The following ELL2 variants were observed in gnomAD, a reference collection of about 807,000 sequenced individuals.
The protein encoded by ELL2 is elongation factor for RNA polymerase II 2, also known as RNA polymerase II elongation factor ELL2.
Under a neutral mutation model 72.8 loss-of-function variants are expected in ELL2, and 21 were observed. The observed-to-expected ratio is 0.29, with a 90% confidence interval of 0.20 to 0.42. The LOEUF is 0.42. ELL2 is among the 10% of genes least tolerant of loss of function. ELL2 has a pLI of 1.00. For missense variants in ELL2, 568 were observed against 772.8 expected (o/e 0.73, Z 3.14); for synonymous variants, 266 against 283.2 (o/e 0.94, Z 0.61).
chr5:95,913,605 G>A (rs1158199946), intron 4 of ELL2, 166 bp downstream of exon 4: 1 of 629,136 alleles, frequency 1.6e-6, no homozygotes, highest in Non-Finnish European at 2.5e-6. Context: ...CAATTTACTG[G>A]CAGTCTGAAG....
At chr5:95,959,982 T>TG (rs966474728) in intron 1 of ELL2, among the ~76,000 whole-genome samples, 28 of 151,918 alleles carry the variant, frequency 1.8e-4, no homozygotes, top group Admixed American at 3.3e-4. Flanking sequence ...ACTTATGGGG[T>TG]GGGGGGGCTC....
At chr5:95,902,441 C>T (rs1222144825) in intron 5 of ELL2, among the ~76,000 whole-genome samples, 1 of 152,172 alleles carries the variant, frequency 6.6e-6, no homozygotes. Flanking sequence ...AGTTTCGCGG[C>T]TTAGCCATTA....
intron 2 of ELL2, among the ~76,000 whole-genome samples, chr5:95,922,646 ATCTT>A (rs200242570): frequency 0.027 from 4,181 of 152,254 alleles, 182 homozygotes; most frequent in African/African-American, 0.095. Flanking sequence ...TAAAATAATT[ATCTT>A]TCTATGCATT....
chr5:95,910,227 G>A (rs1339467355), intron 4 of ELL2, among the ~76,000 whole-genome samples: 7 of 151,860 alleles, frequency 4.6e-5, no homozygotes, highest in Admixed American at 3.9e-4. Context: ...CAAAAATAAG[G>A]AGGTTTGTTC....
intron 1 of ELL2, among the ~76,000 whole-genome samples, chr5:95,955,078 G>C (rs1278732936): frequency 6.6e-6 from 1 of 151,948 alleles, no homozygotes; most frequent in East Asian, 1.9e-4. Context: ...GCAATTCTTG[G>C]AGCTTGCCCT....
intron 1 of ELL2, among the ~76,000 whole-genome samples, chr5:95,956,971 T>C (rs554428389): frequency 1.9e-4 from 29 of 152,266 alleles, no homozygotes; most frequent in Non-Finnish European, 3.5e-4. Flanking sequence ...CAAGAGAAAG[T>C]GTTAGCAGAA....
At position 95,898,424 on chromosome 5, in the gene ELL2, A is replaced by T; in HGVS notation, c.1341T>A (p.Cys447Ter). 6.2e-7 allele frequency: 1 copy of T among 1,613,424 alleles called. No individual in the cohort carries two copies. Among genetic ancestry groups the T allele is most frequent in the Non-Finnish European group, 8.5e-7 (1 of 1,179,876 alleles). ...TLPPGSVLLK[C>*]PKPMEENHSM... ...AATGGTTTTCTTCCATAGGCTTTGG[A>T]CACTTTAGTAGAACGGAACCAGGGG... The change falls in exon 8 of 12, where the codon TGT becomes TGA. Residue 447 changes from cysteine to a stop codon, truncating the protein, a stop_gained. Transcript: ENST00000237853. LOFTEE classifies it high-confidence loss of function.
At chr5:95,929,337 C>T (rs921379950) in intron 2 of ELL2, among the ~76,000 whole-genome samples, 2 of 151,310 alleles carry the variant, frequency 1.3e-5, no homozygotes, top group African/African-American at 4.9e-5. Flanking sequence ...TGGCTCACTG[C>T]AACCTCTGCC....
At chr5:95,905,066 G>A (rs1749302518) in intron 5 of ELL2, among the ~76,000 whole-genome samples, 1 of 152,008 alleles carries the variant, frequency 6.6e-6, no homozygotes, top group Admixed American at 6.6e-5. Flanking sequence ...CAGATACTTG[G>A]CTTTTGTTGG....
chr5:95,903,020 C>T (rs1749199734), intron 5 of ELL2, among the ~76,000 whole-genome samples: 1 of 151,860 alleles, frequency 6.6e-6, no homozygotes, highest in Non-Finnish European at 1.5e-5. Context: ...AACTCCCGGG[C>T]TCAAGCAATC....
intron 1 of ELL2, among the ~76,000 whole-genome samples, chr5:95,954,591 T>TC (rs1280925226): frequency 8.5e-6 from 1 of 117,854 alleles, no homozygotes; most frequent in Non-Finnish European, 1.6e-5. Context: ...TTCTTTTTTT[T>TC]TTTTCTTTTT....
At position 95,885,698 on chromosome 5, in the gene ELL2, A is replaced by T. The variant is rs989735352; in HGVS notation, c.*3173T>A. 6.6e-6 allele frequency: 1 copy of T among 152,252 alleles called. No individual in the cohort carries two copies. Among genetic ancestry groups the T allele is most frequent in the Admixed American group, 6.5e-5 (1 of 15,282 alleles). The allele number at this position is 152,252 out of a possible 1,614,324, so 9.4% of individuals were successfully genotyped here. On this transcript the variant is annotated 3_prime_UTR_variant, in exon 12 of 12. Coordinates refer to ENST00000237853, the MANE Select transcript of ELL2 (RefSeq NM_012081.6). ...GCAGGCATTTGTTTTACATAAGGTG[A>T]AACACTTTATAAGAGAAAAGAAAAC... is the stretch of plus-strand genomic sequence containing the variant.
chr5:95,893,774 C>T (rs1257224163), intron 9 of ELL2, among the ~76,000 whole-genome samples: 2 of 152,178 alleles, frequency 1.3e-5, no homozygotes, highest in East Asian at 3.8e-4. Flanking sequence ...TGAAAATCCA[C>T]GCTTTTTCAC....
chr5:95,951,451 G>T (rs897993704), intron 1 of ELL2, among the ~76,000 whole-genome samples: 69 of 151,964 alleles, frequency 4.5e-4, no homozygotes, highest in Admixed American at 2.9e-3. Flanking sequence ...TTTTCCCCCA[G>T]ATTTAATGTG....
Position 95,906,695 on chromosome 5 carries a change from T to C in ELL2, c.569A>G (p.Asn190Ser), listed in dbSNP as rs1176958852. Residue 190 changes from asparagine (N) to serine (S), a missense_variant, in exon 5 of 12, where the codon AAT becomes AGT. Asn to Ser is a conservative substitution (Grantham distance 46). This residue lies in a region of ELL2 where 511 missense variants were observed against 728.4 expected (regional missense o/e 0.70). Coordinates refer to ENST00000237853, the MANE Select transcript of ELL2 (RefSeq NM_012081.6). ...RKRSTPMNPA[N>S]TIRKTHSSST... is the part of the protein sequence containing the mutation. ...GCTGCTATGTGTCTTTCGAATTGTA[T>C]TTGCAGGGTTCATGGGGGTTGACCT... The C allele has an allele frequency of 6.2e-7, 1 of 1,614,128 alleles. No homozygotes were observed. Among genetic ancestry groups the C allele is most frequent in the Non-Finnish European group, 8.5e-7 (1 of 1,179,982 alleles).
At chr5:95,904,689 A>G (rs966396318) in intron 5 of ELL2, among the ~76,000 whole-genome samples, 5 of 152,264 alleles carry the variant, frequency 3.3e-5, no homozygotes, top group African/African-American at 1.2e-4. Flanking sequence ...TGTCTGGGAC[A>G]GAATAACCAA....
intron 2 of ELL2, among the ~76,000 whole-genome samples, chr5:95,920,283 A>AT (rs1442992607): frequency 7.7e-6 from 1 of 130,412 alleles, no homozygotes; most frequent in Non-Finnish European, 1.6e-5. Context: ...TTTAATATTT[A>AT]TTTATTTATT....
intron 7 of ELL2, among the ~76,000 whole-genome samples, chr5:95,899,921 G>A (rs1487451249): frequency 6.6e-6 from 1 of 151,970 alleles, no homozygotes; most frequent in Non-Finnish European, 1.5e-5. Flanking sequence ...TGTGCGAATG[G>A]CTGTTTGCCC....
chr5:95,892,917 C>T (rs1193450384), intron 9 of ELL2, among the ~76,000 whole-genome samples: 1 of 152,080 alleles, frequency 6.6e-6, no homozygotes, highest in African/African-American at 2.4e-5. Context: ...CACTGCCAGC[C>T]AAGCAGTGAA....
Sources: allele counts gnomAD v4.1 joint callset (sites outside exome capture counted in the v4.1 genomes callset), GRCh38; gene constraint gnomAD v4.1.1; regional missense constraint gnomAD v4.1.1; transcripts MANE v1.5; gene names NCBI Gene and HGNC (gene_info 2026-07-23, HGNC 2026-07-21).